The following DARS1 variants were observed in gnomAD, a reference collection of about 807,000 sequenced individuals.
DARS1 encodes aspartate--tRNA ligase, cytoplasmic.
A neutral mutation model predicts 68.8 loss-of-function variants in DARS1; 51 were observed. The observed-to-expected ratio is 0.74, with a 90% CI of 0.59 to 0.94. The LOEUF (loss-of-function observed/expected upper bound fraction) is 0.94, where lower values mean the gene tolerates loss of function less well. Ranked by LOEUF, DARS1 falls within the 40% of genes least tolerant of loss-of-function variation. The probability of loss-of-function intolerance (pLI) is 0.00; values close to 1 mark genes in which losing one functional copy is unlikely to be tolerated. For synonymous variants in DARS1, 203 were observed against 190.4 expected (o/e 1.07, Z -0.55); for missense variants, 607 against 597.3 (o/e 1.02, Z -0.17).
At chr2:135,964,633 G>T (rs1357300111) in intron 3 of DARS1, among the ~76,000 whole-genome samples, 1 of 152,096 alleles carries the variant, frequency 6.6e-6, no homozygotes. Context: ...TTGAGGTCAG[G>T]AGTTCGAGAC....
chr2:135,932,669 A>G (rs1309557174), intron 7 of DARS1, 114 bp downstream of exon 7: 1 of 620,864 alleles, frequency 1.6e-6, no homozygotes, highest in African/African-American at 1.9e-5. Context: ...CTGTATTATC[A>G]TACTTACAGT....
At chr2:135,976,331 C>A (rs1281779818) in intron 3 of DARS1, among the ~76,000 whole-genome samples, 1 of 151,886 alleles carries the variant, frequency 6.6e-6, no homozygotes, top group African/African-American at 2.4e-5. Flanking sequence ...AGCATTTAGC[C>A]CCTCCAAAAT....
chr2:135,963,710 C>T lies in DARS1; in HGVS notation c.218-2212G>A, dbSNP rs1468618616. ...TTTTTTTTTTTTTGAGATGGCATCT[C>T]GCTCTGTTGCCCAGGCTGGAATGCA... On this transcript the variant is annotated intron_variant, in intron 3 of 15. Coordinates refer to ENST00000264161, the MANE Select transcript of DARS1 (RefSeq NM_001349.4). 5.6e-5 allele frequency among the ~76,000 whole-genome samples: 8 copies of T among 143,188 alleles called. No homozygotes were observed. In the East Asian group the frequency reaches 6.2e-4, roughly 11 times the overall value. The allele number at this position is 143,188 out of a possible 152,430, so 93.9% of individuals were successfully genotyped here. A position where few individuals can be genotyped will look rare whatever the true frequency, so the allele number is the denominator to read the frequency against.
chr2:135,956,667 T>C (rs745955421), intron 4 of DARS1, among the ~76,000 whole-genome samples: 2 of 152,232 alleles, frequency 1.3e-5, no homozygotes, highest in Non-Finnish European at 2.9e-5. Context: ...AGTAGGGAAC[T>C]AAATCCTTGC....
At chr2:135,940,798 C>T (rs1013981986) in intron 5 of DARS1, among the ~76,000 whole-genome samples, 4 of 152,184 alleles carry the variant, frequency 2.6e-5, no homozygotes, top group African/African-American at 9.7e-5. Context: ...AGCTGATACG[C>T]AACTTCAGCA....
At chr2:135,907,453 C>T (rs773874094) in intron 15 of DARS1, 46 bp from the exon 16 acceptor site, 3 of 1,317,966 alleles carry the variant, frequency 2.3e-6, no homozygotes, top group Non-Finnish European at 3.3e-6. Flanking sequence ...GAAAATCTCT[C>T]AGGGTCTTAC....
chr2:135,927,892 G>T (rs1298409805), intron 7 of DARS1, among the ~76,000 whole-genome samples: 2 of 152,112 alleles, frequency 1.3e-5, no homozygotes, highest in African/African-American at 2.4e-5. Flanking sequence ...TTATGTGAAA[G>T]ATCTGAAATA....
At chr2:135,929,151 A>G (rs147790001) in intron 7 of DARS1, among the ~76,000 whole-genome samples, 21 of 152,294 alleles carry the variant, frequency 1.4e-4, no homozygotes, top group Middle Eastern at 6.8e-3. Flanking sequence ...CATCCTTAAA[A>G]TGTTTTTCTA....
chr2:135,955,516 ATAAAT>A (rs1297990041), intron 4 of DARS1, among the ~76,000 whole-genome samples: 1 of 152,144 alleles, frequency 6.6e-6, no homozygotes, highest in Non-Finnish European at 1.5e-5. Flanking sequence ...CTTCAATGTT[ATAAAT>A]TAAATGTACA....
chr2:135,953,937 T>G (rs1175786553), intron 4 of DARS1, among the ~76,000 whole-genome samples: 2 of 151,578 alleles, frequency 1.3e-5, no homozygotes, highest in Non-Finnish European at 2.9e-5. Context: ...TTTTTTTTTT[T>G]GTAGCGACAG....
intron 15 of DARS1, among the ~76,000 whole-genome samples, chr2:135,910,204 T>C (rs1680868113): frequency 6.6e-6 from 1 of 152,186 alleles, no homozygotes; most frequent in Admixed American, 6.5e-5. Context: ...TTCTGAATCA[T>C]ATGGTAATTC....
At chr2:135,933,885 A>T in intron 6 of DARS1, 25 bp downstream of exon 6, 1 of 1,606,036 alleles carries the variant, frequency 6.2e-7, no homozygotes. Context: ...GCGGAAGCAT[A>T]ATATTTCATA....
rs869183598 is a variant in DARS1, at chr2:135,907,238, C to CTTTTTTTTT, written c.*77_*78insAAAAAAAAA. 352 of 725,206 alleles carry CTTTTTTTTT rather than the reference C, an allele frequency of 4.9e-4. 5 individuals are homozygous for CTTTTTTTTT. Among genetic ancestry groups the CTTTTTTTTT allele is most frequent in the South Asian group, 2.1e-3 (101 of 47,024 alleles). The allele number at this position is 725,206 out of a possible 1,614,324, so 44.9% of individuals were successfully genotyped here. On this transcript the variant is annotated 3_prime_UTR_variant, in exon 16 of 16. Coordinates refer to ENST00000264161, the MANE Select transcript of DARS1 (RefSeq NM_001349.4). ...AGGTTACTGAAAAGAATAAGTGTGG[C>CTTTTTTTTT]TTTCTTTTTTTTTTTTTTTTTTTGA... is the stretch of plus-strand genomic sequence containing the variant.
intron 3 of DARS1, among the ~76,000 whole-genome samples, chr2:135,976,165 T>A (rs945534857): frequency 2.0e-5 from 3 of 152,206 alleles, no homozygotes; most frequent in Admixed American, 6.5e-5. Context: ...TGAACTCACT[T>A]TTGTAAAAGA....
intron 11 of DARS1, among the ~76,000 whole-genome samples, chr2:135,915,429 G>C (rs565234750): frequency 6.6e-6 from 1 of 152,198 alleles, no homozygotes; most frequent in Admixed American, 6.5e-5. Context: ...TGGGACTACA[G>C]GTGTGTGCCA....
At chr2:135,932,731 C>G in intron 7 of DARS1, 52 bp downstream of exon 7, 1 of 847,412 alleles carries the variant, frequency 1.2e-6, no homozygotes, top group South Asian at 1.5e-5. Context: ...GGTATCCCTG[C>G]CCCTCTCTAA....
At chr2:135,984,727 G>A (rs1179070190) in intron 1 of DARS1, among the ~76,000 whole-genome samples, 2 of 152,108 alleles carry the variant, frequency 1.3e-5, no homozygotes, top group Non-Finnish European at 2.9e-5. Flanking sequence ...GGAAATTAAG[G>A]CTTAACAGTA....
rs924431410 is a variant in DARS1, at chr2:135,917,158, C to CA, written c.960-787dup. Among the ~76,000 whole-genome samples, 9 of 150,114 alleles carry CA rather than the reference C, an allele frequency of 6.0e-5. No homozygotes were observed. The South Asian group carries it at 1.0e-3, about 17-fold the overall frequency. On this transcript the variant is annotated intron_variant, in intron 10 of 15. Transcript: ENST00000264161. ...CTGGGCGACAGAGCAAGACTCGTCTCAAAAAAAAGAAAAAGAAAAAGAAAA... is the reference window on the plus strand; with the variant it reads ...CTGGGCGACAGAGCAAGACTCGTCTCAAAAAAAAAGAAAAAGAAAAAGAAAA...
intron 12 of DARS1, 105 bp from the exon 13 acceptor site, chr2:135,912,671 T>C (rs552729423): frequency 1.9e-6 from 1 of 535,178 alleles, no homozygotes; most frequent in African/African-American, 2.0e-5. Flanking sequence ...GTAATTACTC[T>C]AATTATATTG....
Sources: gnomAD v4.1 joint callset for allele counts (sites outside exome capture counted in the v4.1 genomes callset) on GRCh38, gnomAD v4.1.1 for gene constraint, MANE v1.5 for transcripts, NCBI Gene and HGNC (gene_info 2026-07-23, HGNC 2026-07-21) for gene names.